RALGPS2: variants seen among roughly 807,000 people sequenced by gnomAD.
RALGPS2 encodes the protein Ral GEF with PH domain and SH3 binding motif 2.
A neutral mutation model predicts 86.8 loss-of-function variants in RALGPS2; 43 were observed. The observed-to-expected ratio is 0.50, with a 90% CI of 0.39 to 0.64. The LOEUF (loss-of-function observed/expected upper bound fraction) is 0.64. RALGPS2 is among the 30% of genes least tolerant of loss of function. The pLI is 0.00. For synonymous variants in RALGPS2, 243 were observed against 231.3 expected, an observed-to-expected ratio of 1.05 and a Z score of -0.46; for missense variants, 536 against 694.6, an observed-to-expected ratio of 0.77 and a Z score of 2.57.
intron 6 of RALGPS2, among the ~76,000 whole-genome samples, chr1:178,817,038 A>G (rs1272729638): frequency 1.3e-5 from 2 of 151,870 alleles, no homozygotes; most frequent in African/African-American, 2.4e-5. Flanking sequence ...TGGAAGGTGT[A>G]GGAGTTAAGG....
At chr1:178,744,837 A>T (rs1239101702) in intron 1 of RALGPS2, among the ~76,000 whole-genome samples, 1 of 148,628 alleles carries the variant, frequency 6.7e-6, no homozygotes, top group Non-Finnish European at 1.5e-5. Context: ...AAAAAAAAAA[A>T]GAAAGGAAAA....
At chr1:178,802,305 T>C (rs1464977692) in intron 4 of RALGPS2, among the ~76,000 whole-genome samples, 1 of 152,178 alleles carries the variant, frequency 6.6e-6, no homozygotes, top group Non-Finnish European at 1.5e-5. Flanking sequence ...TTATAAGATA[T>C]ATTGACTGAA....
At chr1:178,821,335 A>G (rs530982827) in intron 6 of RALGPS2, among the ~76,000 whole-genome samples, 9 of 152,186 alleles carry the variant, frequency 5.9e-5, no homozygotes, top group Non-Finnish European at 1.2e-4. Flanking sequence ...TAAACTTGAT[A>G]ATGAGACATA....
At chr1:178,911,404 T>C (rs1660618188) in intron 19 of RALGPS2, among the ~76,000 whole-genome samples, 1 of 152,068 alleles carries the variant, frequency 6.6e-6, no homozygotes, top group South Asian at 2.1e-4. Flanking sequence ...GAGTCTGATA[T>C]GTTGTGTCTC....
intron 4 of RALGPS2, among the ~76,000 whole-genome samples, 172 bp downstream of exon 4, chr1:178,785,779 A>G (rs1430308114): frequency 2.0e-5 from 3 of 152,176 alleles, no homozygotes; most frequent in Middle Eastern, 3.4e-3. Context: ...ATTCATAGCA[A>G]TACATTATTG....
In RALGPS2 at chr1:178,919,610, T is replaced by A. The variant is rs1326519612; in HGVS notation, c.*3251T>A. On this transcript the variant is annotated 3_prime_UTR_variant, in exon 20 of 20. Coordinates refer to ENST00000367635, the MANE Select transcript of RALGPS2 (RefSeq NM_152663.5). ...TTTGGCCAAATGACTTGAGCATAAG[T>A]CTTTTATTTCTTTTTAAGGTTAAAT... 6.6e-6 allele frequency: 1 copy of A among 152,074 alleles called. No individual in the cohort carries two copies. Among genetic ancestry groups the A allele is most frequent in the Non-Finnish European group, 1.5e-5 (1 of 67,916 alleles). The allele number at this position is 152,074 out of a possible 1,614,324, so 9.4% of individuals were successfully genotyped here.
At chr1:178,766,492 G>A (rs922410762) in intron 1 of RALGPS2, among the ~76,000 whole-genome samples, 2 of 151,866 alleles carry the variant, frequency 1.3e-5, no homozygotes, top group Non-Finnish European at 2.9e-5. Flanking sequence ...GCCTCTCAAA[G>A]TGCTGGGATT....
chr1:178,865,856 C>G (rs1658371294), intron 8 of RALGPS2: 1 of 1,116,954 alleles, frequency 9.0e-7, no homozygotes, highest in Non-Finnish European at 1.3e-6. Flanking sequence ...TCATATTAAT[C>G]TATGTTAAAG....
At chr1:178,829,515 C>A (rs959276080) in intron 7 of RALGPS2, among the ~76,000 whole-genome samples, 1 of 152,068 alleles carries the variant, frequency 6.6e-6, no homozygotes, top group African/African-American at 2.4e-5. Context: ...GAATCTAATG[C>A]CTGATGATCT....
intron 14 of RALGPS2, among the ~76,000 whole-genome samples, chr1:178,890,362 T>C: frequency 6.6e-6 from 1 of 152,000 alleles, no homozygotes; most frequent in East Asian, 1.9e-4. Flanking sequence ...ATTCTTATGT[T>C]TTCACTGACC....
chr1:178,852,139 C>T (rs1174238572), intron 8 of RALGPS2, among the ~76,000 whole-genome samples: 2 of 152,134 alleles, frequency 1.3e-5, no homozygotes, highest in Non-Finnish European at 2.9e-5. Flanking sequence ...TCATTTCTTG[C>T]GACTCTTTAT....
chr1:178,833,772 A>G (rs1053165738), intron 8 of RALGPS2, among the ~76,000 whole-genome samples: 32 of 152,134 alleles, frequency 2.1e-4, no homozygotes, highest in Non-Finnish European at 3.5e-4. Context: ...TTCTTAGACT[A>G]TTATGTTTTC....
intron 7 of RALGPS2, among the ~76,000 whole-genome samples, chr1:178,825,238 G>A (rs1018909589): frequency 1.3e-5 from 2 of 152,096 alleles, no homozygotes; most frequent in Non-Finnish European, 2.9e-5. Context: ...GGGATTTTTC[G>A]AGGCTTTTGT....
intron 4 of RALGPS2, among the ~76,000 whole-genome samples, chr1:178,805,538 C>T (rs527513288): frequency 1.1e-3 from 163 of 151,982 alleles, no homozygotes; most frequent in African/African-American, 3.8e-3. Flanking sequence ...AATAGGGAAT[C>T]CTTTCCCCAT....
intron 1 of RALGPS2, among the ~76,000 whole-genome samples, chr1:178,740,824 C>T (rs1196796061): frequency 6.6e-6 from 1 of 152,134 alleles, no homozygotes; most frequent in Non-Finnish European, 1.5e-5. Flanking sequence ...TGGTGTCAGA[C>T]ATTTGACATT....
At chr1:178,901,554 A>G (rs1660174266) in intron 17 of RALGPS2, among the ~76,000 whole-genome samples, 1 of 151,992 alleles carries the variant, frequency 6.6e-6, no homozygotes, top group Non-Finnish European at 1.5e-5. Flanking sequence ...TACAAAAGTA[A>G]TAGACAGGCT....
chr1:178,786,434 G>C (rs947982775), intron 4 of RALGPS2, among the ~76,000 whole-genome samples: 4 of 151,920 alleles, frequency 2.6e-5, no homozygotes, highest in Non-Finnish European at 5.9e-5. Context: ...AGGAGAGAAA[G>C]GATCAAGAAA....
intron 8 of RALGPS2, among the ~76,000 whole-genome samples, chr1:178,858,595 A>G (rs1657746710): frequency 6.6e-6 from 1 of 152,180 alleles, no homozygotes; most frequent in South Asian, 2.1e-4. Flanking sequence ...TGTACATTGA[A>G]TTTGAAGAAC....
chr1:178,850,561 A>G (rs1657107696), intron 8 of RALGPS2: 1 of 151,976 alleles, frequency 6.6e-6, no homozygotes, highest in South Asian at 2.1e-4. Context: ...ATGTTTTGGG[A>G]AAATCAGCAT....
Sources: allele counts gnomAD v4.1 joint callset (sites outside exome capture counted in the v4.1 genomes callset), GRCh38; gene constraint gnomAD v4.1.1; transcripts MANE v1.5; gene names NCBI Gene and HGNC (gene_info 2026-07-23, HGNC 2026-07-21).